CENPW: variants seen among roughly 807,000 people sequenced by gnomAD.
The protein encoded by CENPW is centromere protein W.
Under a neutral mutation model 11.1 loss-of-function variants are expected in CENPW, and 3 were observed. The observed-to-expected ratio is 0.27, with a 90% CI of 0.12 to 0.70. The LOEUF (loss-of-function observed/expected upper bound fraction) is 0.70. CENPW is among the 30% of genes least tolerant of loss of function. The pLI is 0.77. For synonymous variants in CENPW, 38 were observed against 42.0 expected, an observed-to-expected ratio of 0.91 and a Z score of 0.37; for missense variants, 100 against 105.6, an observed-to-expected ratio of 0.95 and a Z score of 0.23.
chr6:126,459,464 C>G, the CENPW span, among the ~76,000 whole-genome samples: 1 of 151,488 alleles, frequency 6.6e-6, no homozygotes. Context: ...TAGAAAGTAT[C>G]TATTATAGTT....
chr6:126,416,458 GA>G, the CENPW span, among the ~76,000 whole-genome samples: 5 of 152,182 alleles, frequency 3.3e-5, no homozygotes, highest in Admixed American at 2.0e-4. Context: ...AGCCAAATGT[GA>G]ATTCTCAAGA....
At chr6:126,340,968 G>A (rs1780295763) in intron 1 of CENPW, among the ~76,000 whole-genome samples, 1 of 152,098 alleles carries the variant, frequency 6.6e-6, no homozygotes, top group African/African-American at 2.4e-5. Context: ...GGACCCTGAT[G>A]GGAAAGTTTA....
At chr6:126,454,365 A>G in the CENPW span, among the ~76,000 whole-genome samples, 1 of 151,438 alleles carries the variant, frequency 6.6e-6, no homozygotes, top group Non-Finnish European at 1.5e-5. Flanking sequence ...AATCATACCA[A>G]ACACACTCTC....
chr6:126,466,426 C>G, the CENPW span, among the ~76,000 whole-genome samples: 1 of 151,994 alleles, frequency 6.6e-6, no homozygotes, highest in Non-Finnish European at 1.5e-5. Flanking sequence ...TAGAATTGAA[C>G]AATTAAGTAA....
At chr6:126,441,966 C>T in the CENPW span, among the ~76,000 whole-genome samples, 1 of 151,534 alleles carries the variant, frequency 6.6e-6, no homozygotes, top group Non-Finnish European at 1.5e-5. Context: ...TGGGTAATAC[C>T]CAGTAGTGGG....
chr6:126,361,180 TAGATA>T, the CENPW span, among the ~76,000 whole-genome samples: 1 of 152,242 alleles, frequency 6.6e-6, no homozygotes, highest in Non-Finnish European at 1.5e-5. Flanking sequence ...GGATGTATAT[TAGATA>T]ATTTTGGTGT....
chr6:126,353,403 A>G (rs984808162), downstream of CENPW, among the ~76,000 whole-genome samples: 2 of 152,008 alleles, frequency 1.3e-5, no homozygotes, highest in African/African-American at 4.8e-5. Context: ...TAATGTTAAA[A>G]TGTCATTTTA....
intron 2 of CENPW, among the ~76,000 whole-genome samples, chr6:126,347,079 G>T (rs1211464926): frequency 6.6e-6 from 1 of 152,136 alleles, no homozygotes; most frequent in African/African-American, 2.4e-5. Flanking sequence ...ATTTCCAAAT[G>T]ATGTTAATCA....
chr6:126,347,694 G>A (rs1780435923), intron 2 of CENPW, among the ~76,000 whole-genome samples: 1 of 151,826 alleles, frequency 6.6e-6, no homozygotes, highest in African/African-American at 2.4e-5. Context: ...TAAAGTCAAT[G>A]TAAATATTTT....
chr6:126,354,272 G>A, the CENPW span, among the ~76,000 whole-genome samples: 2 of 152,186 alleles, frequency 1.3e-5, no homozygotes, highest in South Asian at 2.1e-4. Context: ...TATTTCTCAT[G>A]AGACTCACTT....
chr6:126,422,437 C>G, the CENPW span, among the ~76,000 whole-genome samples: 2 of 152,004 alleles, frequency 1.3e-5, no homozygotes, highest in Admixed American at 6.6e-5. Context: ...CCTTGGCTTG[C>G]CCATGACCAC....
At chr6:126,344,618 G>T (rs1024033476) in intron 1 of CENPW, among the ~76,000 whole-genome samples, 1 of 152,194 alleles carries the variant, frequency 6.6e-6, no homozygotes, top group African/African-American at 2.4e-5. Flanking sequence ...TTGGAATTGG[G>T]ATGCTTTACC....
At chr6:126,414,778 AG>A in the CENPW span, among the ~76,000 whole-genome samples, 1 of 151,860 alleles carries the variant, frequency 6.6e-6, no homozygotes, top group Non-Finnish European at 1.5e-5. Flanking sequence ...ATTAAAAATA[AG>A]AACATAAATA....
the CENPW span, among the ~76,000 whole-genome samples, chr6:126,451,412 A>G: frequency 4.0e-5 from 6 of 151,098 alleles, no homozygotes; most frequent in Admixed American, 4.0e-4. Context: ...TACATCCTGA[A>G]ACCTGGATTT....
At chr6:126,375,229 G>T in the CENPW span, among the ~76,000 whole-genome samples, 1 of 152,192 alleles carries the variant, frequency 6.6e-6, no homozygotes, top group Non-Finnish European at 1.5e-5. Context: ...GAAACAGAAA[G>T]TAAGTCAGCC....
the CENPW span, among the ~76,000 whole-genome samples, chr6:126,406,088 AT>A: frequency 6.6e-6 from 1 of 152,092 alleles, no homozygotes; most frequent in Non-Finnish European, 1.5e-5. Context: ...TTAGCTGTGG[AT>A]TTGTCATATA....
At chr6:126,471,406 C>T in the CENPW span, among the ~76,000 whole-genome samples, 2 of 152,152 alleles carry the variant, frequency 1.3e-5, no homozygotes, top group African/African-American at 4.8e-5. Flanking sequence ...AACTATGAGA[C>T]TTTCCTTTAT....
the CENPW span, among the ~76,000 whole-genome samples, chr6:126,414,028 T>A: frequency 6.6e-6 from 1 of 152,016 alleles, no homozygotes; most frequent in Non-Finnish European, 1.5e-5. Context: ...ACTATACTTA[T>A]ATTGGATAAA....
the CENPW span, among the ~76,000 whole-genome samples, chr6:126,427,194 G>A: frequency 2.0e-5 from 3 of 152,080 alleles, no homozygotes; most frequent in Non-Finnish European, 4.4e-5. Context: ...CTCATTGCTT[G>A]TATGTCATTG....
Sources: gnomAD v4.1 joint callset for allele counts (sites outside exome capture counted in the v4.1 genomes callset) on GRCh38, gnomAD v4.1.1 for gene constraint, MANE v1.5 for transcripts, NCBI Gene and HGNC (gene_info 2026-07-23, HGNC 2026-07-21) for gene names.